The following SDK1 variants were observed in gnomAD, a reference collection of about 807,000 sequenced individuals.
SDK1 encodes the protein sidekick cell adhesion molecule 1.
Under a neutral mutation model 245.5 loss-of-function variants are expected in SDK1, and 157 were observed. The observed-to-expected ratio is 0.64, with a 90% confidence interval of 0.56 to 0.73. The LOEUF is 0.73. SDK1 is among the 30% of genes least tolerant of loss of function. The pLI is 0.00. For synonymous variants in SDK1, 1,647 were observed against 1,278.5 expected, an observed-to-expected ratio of 1.29 and a Z score of -6.15; for missense variants, 3,583 against 3,002.3, an observed-to-expected ratio of 1.19 and a Z score of -4.52.
At chr7:4,104,702 G>GTATT (rs904849515) in intron 22 of SDK1, among the ~76,000 whole-genome samples, 1 of 152,056 alleles carries the variant, frequency 6.6e-6, no homozygotes, top group East Asian at 1.9e-4. Context: ...ATGCATGTAT[G>GTATT]TATTTATTTA....
At chr7:3,702,247 T>A (rs1306265991) in intron 4 of SDK1, among the ~76,000 whole-genome samples, 3 of 152,188 alleles carry the variant, frequency 2.0e-5, no homozygotes, top group Admixed American at 6.5e-5. Context: ...GTGGCCATAT[T>A]TGGAATACAT....
At chr7:3,426,160 T>C (rs1779671276) in intron 1 of SDK1, among the ~76,000 whole-genome samples, 1 of 152,218 alleles carries the variant, frequency 6.6e-6, no homozygotes, top group South Asian at 2.1e-4. Flanking sequence ...CCGTGTTTTT[T>C]GAAGAGAACT....
chr7:3,907,185 T>G (rs942015832), intron 5 of SDK1, among the ~76,000 whole-genome samples: 15 of 152,212 alleles, frequency 9.9e-5, no homozygotes, highest in Admixed American at 2.0e-4. Context: ...TGCAACTTAG[T>G]AGCATTAATT....
intron 4 of SDK1, among the ~76,000 whole-genome samples, chr7:3,800,178 A>G (rs1032585396): frequency 4.6e-5 from 7 of 152,044 alleles, no homozygotes; most frequent in African/African-American, 7.2e-5. Flanking sequence ...CTGTGTGTCT[A>G]ATATTATGGG....
At chr7:4,041,550 T>C (rs923049402) in intron 17 of SDK1, among the ~76,000 whole-genome samples, 1 of 152,114 alleles carries the variant, frequency 6.6e-6, no homozygotes, top group East Asian at 1.9e-4. Flanking sequence ...TCCCCCGTTA[T>C]AGCCTACAGA....
At chr7:4,123,037 G>T (rs938850930) in intron 25 of SDK1, among the ~76,000 whole-genome samples, 1 of 152,198 alleles carries the variant, frequency 6.6e-6, no homozygotes, top group African/African-American at 2.4e-5. Context: ...TCCCCAGGTT[G>T]CCCTCTTTCT....
rs115265450 is a variant in SDK1, at chr7:3,951,642, G to C, written c.960-88G>C. On this transcript the variant is annotated intron_variant, in intron 6 of 44. Transcript: ENST00000404826. ...CATGCACCCTGGTAGCATTAGCTTC[G>C]TCAAGCCTGTGCCGAGTGCCTGAGA... 3.1e-5 allele frequency: 38 copies of C among 1,231,836 alleles called. No homozygotes were observed. In the African/African-American group the frequency reaches 5.3e-4, roughly 17 times the overall value. 76.3% of individuals were successfully genotyped at this position (1,231,836 alleles called of 1,614,324 possible). A position where few individuals can be genotyped will look rare whatever the true frequency, so the allele number is the denominator to read the frequency against.
chr7:3,540,768 C>A (rs1310587612), intron 1 of SDK1, among the ~76,000 whole-genome samples: 2 of 152,058 alleles, frequency 1.3e-5, no homozygotes, highest in Non-Finnish European at 1.5e-5. Context: ...GAAAAGAGTC[C>A]AAGATCATAT....
intron 1 of SDK1, among the ~76,000 whole-genome samples, chr7:3,590,001 G>T (rs1391581647): frequency 6.6e-6 from 1 of 152,158 alleles, no homozygotes; most frequent in Non-Finnish European, 1.5e-5. Flanking sequence ...CTCTTTACAG[G>T]GTGCTAGGCC....
At chr7:4,162,612 C>G (rs1326616873) in intron 32 of SDK1, among the ~76,000 whole-genome samples, 1 of 151,990 alleles carries the variant, frequency 6.6e-6, no homozygotes, top group Non-Finnish European at 1.5e-5. Flanking sequence ...GTTGACCAGG[C>G]TGATCTTGAA....
intron 1 of SDK1, among the ~76,000 whole-genome samples, chr7:3,540,083 G>A (rs1329356231): frequency 1.3e-5 from 2 of 152,180 alleles, no homozygotes; most frequent in East Asian, 1.9e-4. Flanking sequence ...TTGATTGAAG[G>A]CCTTCTCATT....
chr7:3,421,337 A>G (rs113725584), intron 1 of SDK1, among the ~76,000 whole-genome samples: 3,471 of 152,112 alleles, frequency 0.023, 147 homozygotes, highest in African/African-American at 0.079. Flanking sequence ...CGGCCTCCCA[A>G]AGTGCTGGGA....
At chr7:3,462,293 G>A (rs1469526983) in intron 1 of SDK1, among the ~76,000 whole-genome samples, 1 of 151,914 alleles carries the variant, frequency 6.6e-6, no homozygotes, top group Non-Finnish European at 1.5e-5. Context: ...CCTCCTAAAT[G>A]ACCTCTGCTC....
intron 4 of SDK1, among the ~76,000 whole-genome samples, chr7:3,686,666 G>T (rs905654231): frequency 2.0e-5 from 3 of 152,190 alleles, no homozygotes; most frequent in Non-Finnish European, 4.4e-5. Flanking sequence ...CACTGACCCT[G>T]AGTTAGAAAG....
chr7:4,245,529 T>G (rs1274009915), intron 43 of SDK1, 147 bp from the exon 44 acceptor site: 1 of 832,730 alleles, frequency 1.2e-6, no homozygotes, highest in African/African-American at 1.7e-5. Context: ...GTGCTCAGAA[T>G]TTTTTGCATC....
intron 1 of SDK1, among the ~76,000 whole-genome samples, chr7:3,599,128 G>A (rs895163394): frequency 3.0e-5 from 4 of 131,716 alleles, no homozygotes; most frequent in African/African-American, 1.1e-4. Context: ...ATCCTCACCG[G>A]CATCTGGCGT....
intron 13 of SDK1, among the ~76,000 whole-genome samples, chr7:3,983,450 A>T (rs1441305828): frequency 6.6e-6 from 1 of 152,114 alleles, no homozygotes; most frequent in African/African-American, 2.4e-5. Context: ...AAAGACTGTG[A>T]CTCACTGAAG....
intron 1 of SDK1, among the ~76,000 whole-genome samples, chr7:3,578,568 C>G (rs1780378269): frequency 6.6e-6 from 1 of 151,924 alleles, no homozygotes; most frequent in Non-Finnish European, 1.5e-5. Context: ...GTATTTCAGT[C>G]CTTATCTCAA....
intron 1 of SDK1, among the ~76,000 whole-genome samples, chr7:3,518,957 T>A (rs1329204578): frequency 4.9e-5 from 7 of 142,806 alleles, no homozygotes; most frequent in Non-Finnish European, 9.2e-5. Flanking sequence ...AATACGCTAT[T>A]CAGCCATAAA....
Sources: allele counts gnomAD v4.1 joint callset (sites outside exome capture counted in the v4.1 genomes callset), GRCh38; gene constraint gnomAD v4.1.1; transcripts MANE v1.5; gene names NCBI Gene and HGNC (gene_info 2026-07-23, HGNC 2026-07-21).